RAP1GAP2: variants seen among roughly 807,000 people sequenced by gnomAD.
The protein encoded by RAP1GAP2 is RAP1 GTPase activating protein 2.
In RAP1GAP2, 27 loss-of-function variants were observed where a neutral mutation model predicts 95.0. That is an observed-to-expected ratio of 0.28 (90% CI 0.21 to 0.39). The LOEUF is 0.39. Among genes scored for constraint, RAP1GAP2 ranks in the 10% least tolerant of loss-of-function variants. The pLI, the probability that RAP1GAP2 is intolerant of heterozygous loss-of-function variation, is 1.00. For missense variants in RAP1GAP2, 771 were observed against 970.0 expected (o/e 0.79, Z 2.72); for synonymous variants, 373 against 380.9 (o/e 0.98, Z 0.24).
At chr17:2,776,887 G>C (rs2068515221), upstream of RAP1GAP2, among the ~76,000 whole-genome samples, 1 of 152,054 alleles carries the variant, frequency 6.6e-6, no homozygotes, top group Non-Finnish European at 1.5e-5. Context: ...GGGCGACCGC[G>C]GGGACTGAGG....
At chr17:2,783,178 C>T (rs2068698145) in intron 1 of RAP1GAP2, among the ~76,000 whole-genome samples, 1 of 152,182 alleles carries the variant, frequency 6.6e-6, no homozygotes, top group Non-Finnish European at 1.5e-5. Flanking sequence ...CTCCGCTCTT[C>T]ACAAAGCTGT....
chr17:3,001,526 G>A (rs2046158812), intron 14 of RAP1GAP2, among the ~76,000 whole-genome samples: 2 of 100,838 alleles, frequency 2.0e-5, no homozygotes, highest in South Asian at 6.2e-4. Context: ...TGCCGGAGAA[G>A]GGACAGAAGA....
At chr17:2,792,707 G>A (rs1478696274), upstream of RAP1GAP2, among the ~76,000 whole-genome samples, 1 of 152,252 alleles carries the variant, frequency 6.6e-6, no homozygotes, top group Non-Finnish European at 1.5e-5. Flanking sequence ...CCTTGGCCGG[G>A]TGTCTGACTC....
intron 3 of RAP1GAP2, among the ~76,000 whole-genome samples, chr17:2,932,322 G>A (rs1394625530): frequency 1.3e-5 from 2 of 151,918 alleles, no homozygotes; most frequent in African/African-American, 2.4e-5. Flanking sequence ...TAGTGGTGAC[G>A]GGGCACCTCA....
At chr17:2,923,462 G>A (rs2042859120) in intron 3 of RAP1GAP2, among the ~76,000 whole-genome samples, 2 of 151,588 alleles carry the variant, frequency 1.3e-5, no homozygotes, top group Admixed American at 1.3e-4. Flanking sequence ...TGGAGTAGCT[G>A]GGATTACAGA....
intron 10 of RAP1GAP2, among the ~76,000 whole-genome samples, chr17:2,982,893 T>A (rs1267129449): frequency 6.6e-6 from 1 of 152,202 alleles, no homozygotes; most frequent in African/African-American, 2.4e-5. Context: ...GGGATGTTCA[T>A]CTGGCTGAGA....
In RAP1GAP2 at chr17:2,804,604, G is replaced by A. The variant is rs913126427; in HGVS notation, c.80+4054G>A. Among the ~76,000 whole-genome samples the A allele has an allele frequency of 5.9e-5, 9 of 152,348 alleles. No individual in the cohort carries two copies. The South Asian group carries it at 1.4e-3, about 25-fold the overall frequency. ...AATGCACCTCCGCCTCCACGACACC[G>A]TGGGTGAGAAGGCCGCCCCTGGTTT... On this transcript the variant is annotated intron_variant, in intron 2 of 24. Coordinates refer to ENST00000254695, the MANE Select transcript of RAP1GAP2 (RefSeq NM_015085.5).
intron 3 of RAP1GAP2, among the ~76,000 whole-genome samples, chr17:2,942,324 C>T (rs1375045236): frequency 1.3e-5 from 2 of 152,176 alleles, no homozygotes; most frequent in East Asian, 1.9e-4. Context: ...TTAATATCAT[C>T]TCATCTTCCA....
intron 3 of RAP1GAP2, among the ~76,000 whole-genome samples, chr17:2,956,893 C>T (rs539073412): frequency 2.2e-4 from 33 of 152,286 alleles, no homozygotes; most frequent in African/African-American, 7.7e-4. Flanking sequence ...CTTTGGGAGG[C>T]CAAGGCGGGA....
At chr17:2,976,530 C>T (rs1044431749) in intron 8 of RAP1GAP2, among the ~76,000 whole-genome samples, 2 of 151,962 alleles carry the variant, frequency 1.3e-5, no homozygotes, top group African/African-American at 4.8e-5. Flanking sequence ...TACTGTGTAT[C>T]AAATTGTGTG....
At position 2,833,268 on chromosome 17, in the gene RAP1GAP2, G is replaced by A. The variant is rs147876574; in HGVS notation, c.80+32718G>A. 8.7e-3 allele frequency among the ~76,000 whole-genome samples: 1,313 copies of A among 150,196 alleles called. 18 individuals are homozygous for A. The highest frequency in any genetic ancestry group is 0.03 in the African/African-American group (1,235 of 41,002). On this transcript the variant is annotated intron_variant, in intron 2 of 24. Transcript: ENST00000254695. ...AGCGATTCTCCTGCCTCAGCCTCCC[G>A]GGTAGCTGGGATTACAGGCACACAC...
chr17:3,030,486 C>T (rs1198160479), intron 22 of RAP1GAP2, among the ~76,000 whole-genome samples: 2 of 152,056 alleles, frequency 1.3e-5, no homozygotes, highest in Non-Finnish European at 2.9e-5. Flanking sequence ...ATACACTTGT[C>T]GTGGCTGATC....
At chr17:2,908,081 A>G (rs1197473096) in intron 3 of RAP1GAP2, among the ~76,000 whole-genome samples, 1 of 152,158 alleles carries the variant, frequency 6.6e-6, no homozygotes, top group African/African-American at 2.4e-5. Context: ...CTGGGATTAC[A>G]GTCGTGAGCC....
At chr17:2,932,824 GAAAA>G (rs937204237) in intron 3 of RAP1GAP2, among the ~76,000 whole-genome samples, 9 of 114,916 alleles carry the variant, frequency 7.8e-5, no homozygotes, top group Middle Eastern at 5.6e-3. Context: ...CTCAAAAAAA[GAAAA>G]AAAAAAAAAA....
Position 2,827,710 on chromosome 17 carries a change from C to T in RAP1GAP2, c.80+27160C>T, listed in dbSNP as rs189248648. On this transcript the variant is annotated intron_variant, in intron 2 of 24. Coordinates refer to ENST00000254695, the MANE Select transcript of RAP1GAP2 (RefSeq NM_015085.5). This position sits in a 1 kb window ranked among gnomAD's most constrained non-coding sequence, Gnocchi z 4.1. The stretch of plus-strand genomic sequence containing the variant: ...GTAATCCCCAAGCTCTTCTCCCAGC[C>T]CACCCGGCACCAGCCAGTTTGAGCT... Among the ~76,000 whole-genome samples the T allele has an allele frequency of 3.5e-4, 53 of 152,104 alleles. No homozygotes were observed. Among genetic ancestry groups the T allele is most frequent in the African/African-American group, 1.2e-3 (49 of 41,492 alleles).
intron 2 of RAP1GAP2, among the ~76,000 whole-genome samples, chr17:2,874,998 A>G (rs997597119): frequency 2.0e-5 from 3 of 152,232 alleles, no homozygotes; most frequent in Non-Finnish European, 2.9e-5. Context: ...AGTTGAGGAC[A>G]GCTGCCAGGG....
At chr17:2,964,136 T>G in intron 7 of RAP1GAP2, 68 bp downstream of exon 7, 1 of 1,363,306 alleles carries the variant, frequency 7.3e-7, no homozygotes. Flanking sequence ...AGAGAGGAGG[T>G]ACCAGGCGGT....
At position 2,797,030 on chromosome 17, in the gene RAP1GAP2, CT is replaced by C. The variant is rs1670712062; in HGVS notation, c.44+461del. Among the ~76,000 whole-genome samples the C allele has an allele frequency of 1.3e-5, 2 of 152,002 alleles. No individual in the cohort carries two copies. The highest frequency in any genetic ancestry group is 6.6e-5 in the Admixed American group (1 of 15,258). ...GCATGTGGGCAGCTGCCTGTCTGCA[CT>C]TCTGGCCTTCTGTGTCTGTGTGTGC... On this transcript the variant is annotated intron_variant, in intron 1 of 24. Coordinates refer to ENST00000254695, the MANE Select transcript of RAP1GAP2 (RefSeq NM_015085.5). The surrounding 1 kb of genome is among the most constrained non-coding windows in gnomAD (Gnocchi z 5.6).
intron 3 of RAP1GAP2, among the ~76,000 whole-genome samples, chr17:2,949,050 C>T (rs2043816831): frequency 6.6e-6 from 1 of 152,208 alleles, no homozygotes; most frequent in Non-Finnish European, 1.5e-5. Context: ...ACTTCTCTGC[C>T]TTTCTGAAGG....
Sources: gnomAD v4.1 joint callset for allele counts (sites outside exome capture counted in the v4.1 genomes callset) on GRCh38, gnomAD v4.1.1 for gene constraint, Gnocchi (gnomAD v3.1) non-coding constraint, MANE v1.5 for transcripts, NCBI Gene and HGNC (gene_info 2026-07-23, HGNC 2026-07-21) for gene names.